The following LATS1 variants were observed in gnomAD, a reference collection of about 807,000 sequenced individuals.
LATS1 encodes the protein large tumor suppressor kinase 1, also known as serine/threonine-protein kinase LATS1.
In LATS1, 25 loss-of-function variants were observed where a neutral mutation model predicts 106.6. The ratio of observed to expected loss-of-function variants is 0.23; its 90% confidence interval spans 0.17 to 0.33. LATS1 has a LOEUF of 0.33. LATS1 is among the 10% of genes least tolerant of loss of function. LATS1 has a pLI of 1.00. For synonymous variants in LATS1, 465 were observed against 455.6 expected, an observed-to-expected ratio of 1.02 and a Z score of -0.26; for missense variants, 1,040 against 1,382.6, an observed-to-expected ratio of 0.75 and a Z score of 3.93.
chr6:149,684,155 G>A lies in LATS1; in HGVS notation c.934C>T (p.Pro312Ser). The A allele has an allele frequency of 6.2e-7, 1 of 1,614,200 alleles. No homozygotes were observed. Among genetic ancestry groups the A allele is most frequent in the Non-Finnish European group, 8.5e-7 (1 of 1,180,024 alleles). The change falls in exon 4 of 8, where the codon CCT becomes TCT. Residue 312 changes from proline (P) to serine (S), a missense_variant. Transcript: ENST00000543571. The stretch of plus-strand genomic sequence containing the variant: ...ATGCCTCTCTGTCCTTGATTAGGAG[G>A]ATTCATGGGGGAAGTGTTGAGAGGT... Reference protein sequence around the residue: ...PPPLNTSPMNPPNQGQRGISS... With the variant: ...PPPLNTSPMNSPNQGQRGISS...
intron 3 of LATS1, among the ~76,000 whole-genome samples, chr6:149,686,697 G>C (rs1782392431): frequency 1.3e-5 from 2 of 152,150 alleles, no homozygotes; most frequent in African/African-American, 4.8e-5. Flanking sequence ...TAAAAAGCCA[G>C]CTCTTTTGAA....
intron 1 of LATS1, among the ~76,000 whole-genome samples, chr6:149,709,898 A>C (rs910217792): frequency 1.3e-5 from 2 of 148,440 alleles, no homozygotes; most frequent in African/African-American, 5.0e-5. Context: ...CTGGTCTTGA[A>C]CTCCTGACCT....
chr6:149,674,727 C>A (rs1425730201), intron 7 of LATS1, among the ~76,000 whole-genome samples: 5 of 151,154 alleles, frequency 3.3e-5, no homozygotes, highest in Admixed American at 2.0e-4. Context: ...GAGTTTGAGA[C>A]CAGCCTGGGC....
chr6:149,704,880 TTAATTA>T (rs568936298), intron 1 of LATS1, among the ~76,000 whole-genome samples: 1 of 102,378 alleles, frequency 9.8e-6, no homozygotes, highest in South Asian at 3.1e-4. Flanking sequence ...TTTATAGAAA[TTAATTA>T]TACACACACA....
chr6:149,704,870 T>C (rs1469965094), intron 1 of LATS1, among the ~76,000 whole-genome samples: 1 of 139,386 alleles, frequency 7.2e-6, no homozygotes, highest in East Asian at 2.1e-4. Context: ...AAAATTTATA[T>C]TTATAGAAAT....
rs1276227937 is a variant in LATS1 at position 149,681,600 on chromosome 6, T to C, written c.2011-1143A>G. 2.0e-5 allele frequency among the ~76,000 whole-genome samples: 3 copies of C among 152,222 alleles called. No individual in the cohort carries two copies. The East Asian group carries it at 5.8e-4, about 29-fold the overall frequency. On this transcript the variant is annotated intron_variant, in intron 4 of 7. Coordinates refer to ENST00000543571, the MANE Select transcript of LATS1 (RefSeq NM_004690.4). ...ATAGGCAGACTTTAGTAAGAAATCC[T>C]AAGAATTAAAATATGGATAAGTCAT...
chr6:149,700,185 CTTA>C (rs983597595), intron 2 of LATS1, among the ~76,000 whole-genome samples: 1 of 152,228 alleles, frequency 6.6e-6, no homozygotes, highest in Non-Finnish European at 1.5e-5. Context: ...AATAAAATTT[CTTA>C]TTTTCAGCTG....
Position 149,661,824 on chromosome 6 carries a change from C to G in LATS1, c.3298G>C (p.Glu1100Gln), listed in dbSNP as rs1582831263. Residue 1100 changes from glutamate (E) to glutamine (Q), a missense_variant, in exon 8 of 8, where the codon GAA becomes CAA. Glu to Gln is a conservative substitution (Grantham distance 29). Around this residue, in one of 7 missense-constraint regions of LATS1, gnomAD observed 46 missense variants for 42.4 expected, o/e 1.09. Coordinates refer to ENST00000543571, the MANE Select transcript of LATS1 (RefSeq NM_004690.4). Reference sequence around the variant, plus strand: ...TCTGAGCCTTGTGAATTAATGTATTCATATTCAATAGGCTTCGGATAATTA... The same window carrying G: ...TCTGAGCCTTGTGAATTAATGTATTGATATTCAATAGGCTTCGGATAATTA... ...PYNYPKPIEY[E>Q]YINSQGSEQQ... is the part of the protein sequence containing the mutation. The G allele has an allele frequency of 1.2e-6, 2 of 1,613,468 alleles. No homozygotes were observed. Among genetic ancestry groups the G allele is most frequent in the Non-Finnish European group, 8.5e-7 (1 of 1,179,788 alleles).
intron 2 of LATS1, among the ~76,000 whole-genome samples, chr6:149,698,060 T>C (rs1298091267): frequency 4.6e-5 from 7 of 152,172 alleles, no homozygotes; most frequent in African/African-American, 7.2e-5. Flanking sequence ...TTAAATGCAC[T>C]AGAATTTCAG....
rs369435853 is a variant in LATS1, at chr6:149,676,718, A to G, written c.2613T>C (p.Asp871=). 6.2e-7 allele frequency: 1 copy of G among 1,613,154 alleles called. No individual in the cohort carries two copies. The highest frequency in any genetic ancestry group is 1.1e-5 in the South Asian group (1 of 90,986). Residue 871 remains aspartate, a synonymous_variant, in exon 6 of 8, where the codon GAT becomes GAC. Transcript: ENST00000543571. The part of the protein sequence containing the change: ...YYQSGDHPRQ[D]SMDFSNEWGD... ...CCCATTCATTACTGAAATCCATGCT[A>G]TCTTGCCGTGGATGGTCACCTGCAC...
Position 149,715,986 on chromosome 6 carries a change from CTT to C in LATS1, c.-141+1861_-141+1862del, listed in dbSNP as rs538124447. On this transcript the variant is annotated intron_variant, in intron 1 of 7. Coordinates refer to ENST00000543571, the MANE Select transcript of LATS1 (RefSeq NM_004690.4). ...CTACCTACCCCATAACTTTCAATGA[CTT>C]TAATCTCATGGTTAAAGTAAGAGCT... 1.6e-4 allele frequency among the ~76,000 whole-genome samples: 25 copies of C among 152,236 alleles called. 1 individual carries two copies. In the East Asian group the frequency reaches 4.6e-3, roughly 28 times the overall value.
In LATS1 at chr6:149,709,937, G is replaced by A. The variant is rs370990507; in HGVS notation, c.-140-7671C>T. Reference sequence around the variant, plus strand: ...GATCCACCTGCCTCGGCCTCCCAAGGTGTTGGGATTACAGGCGTGAGCCAC... The same window carrying A: ...GATCCACCTGCCTCGGCCTCCCAAGATGTTGGGATTACAGGCGTGAGCCAC... On this transcript the variant is annotated intron_variant, in intron 1 of 7. Transcript: ENST00000543571. 7.7e-4 allele frequency among the ~76,000 whole-genome samples: 117 copies of A among 151,558 alleles called. No homozygotes were observed. The South Asian group carries it at 0.024, about 31-fold the overall frequency.
intron 7 of LATS1, among the ~76,000 whole-genome samples, chr6:149,671,847 T>C (rs968065179): frequency 4.6e-5 from 7 of 151,978 alleles, no homozygotes; most frequent in Middle Eastern, 3.2e-3. Context: ...ACTCTTCCAA[T>C]CAATGAACAT....
At chr6:149,684,983 C>T (rs1407313027) in intron 3 of LATS1, among the ~76,000 whole-genome samples, 1 of 152,158 alleles carries the variant, frequency 6.6e-6, no homozygotes, top group Non-Finnish European at 1.5e-5. Flanking sequence ...CGCCTGTAAT[C>T]CCAGCACTTT....
intron 7 of LATS1, among the ~76,000 whole-genome samples, chr6:149,664,396 T>C (rs762660895): frequency 4.6e-5 from 7 of 152,116 alleles, no homozygotes; most frequent in Non-Finnish European, 1.0e-4. Context: ...CCCAAATCGA[T>C]GAAAGTCATT....
chr6:149,694,615 C>T lies in LATS1; in HGVS notation c.496+459G>A, dbSNP rs139561860. Among the ~76,000 whole-genome samples the T allele has an allele frequency of 3.5e-3, 532 of 152,160 alleles. 3 individuals are homozygous for T. The highest frequency in any genetic ancestry group is 0.012 in the African/African-American group (504 of 41,524). The stretch of plus-strand genomic sequence containing the variant: ...TGCTTAAACAACAAGAATCAAAATA[C>T]GCATAGATAAACCTATTCTGGTTTC... On this transcript the variant is annotated intron_variant, in intron 3 of 7. Transcript: ENST00000543571.
intron 1 of LATS1, among the ~76,000 whole-genome samples, chr6:149,704,704 C>A (rs1783653149): frequency 6.6e-6 from 1 of 151,606 alleles, no homozygotes; most frequent in South Asian, 2.1e-4. Context: ...TGGTCTTGAA[C>A]TCCTGGGTTC....
intron 5 of LATS1, among the ~76,000 whole-genome samples, chr6:149,678,729 T>C (rs1781869877): frequency 6.6e-6 from 1 of 152,176 alleles, no homozygotes; most frequent in African/African-American, 2.4e-5. Flanking sequence ...TGTGGTGTAG[T>C]AGAAATAACA....
Position 149,679,921 on chromosome 6 carries a change from G to A in LATS1, c.2547C>T (p.Leu849=), listed in dbSNP as rs56382749. 8.2e-5 allele frequency: 133 copies of A among 1,612,748 alleles called. 2 individuals carry two copies. The Middle Eastern group carries it at 1.3e-3, about 16-fold the overall frequency. ...DGHIKLTDFG[L]CTGFRWTHDS... The stretch of plus-strand genomic sequence containing the variant: ...CGTGTGTCCATCTGAAGCCAGTGCA[G>A]AGGCCAAAGTCAGTCAATTTAATAT... Residue 849 remains leucine (L), a synonymous_variant, in exon 5 of 8, where the codon CTC becomes CTT. Transcript: ENST00000543571.
Sources: allele counts gnomAD v4.1 joint callset (sites outside exome capture counted in the v4.1 genomes callset), GRCh38; gene constraint gnomAD v4.1.1; regional missense constraint gnomAD v4.1.1; transcripts MANE v1.5; gene names NCBI Gene and HGNC (gene_info 2026-07-23, HGNC 2026-07-21).